GUCY1A2: variants seen among roughly 807,000 people sequenced by gnomAD.
GUCY1A2 encodes the protein guanylate cyclase 1 soluble subunit alpha 2.
GUCY1A2 carries 27 observed loss-of-function variants against 63.5 expected under a neutral mutation model. The observed-to-expected ratio is 0.43, with a 90% CI of 0.31 to 0.59. GUCY1A2 has a LOEUF of 0.59. Ranked by LOEUF, GUCY1A2 falls within the 20% of genes least tolerant of loss-of-function variation. The pLI is 0.11. For synonymous variants in GUCY1A2, 364 were observed against 343.5 expected (o/e 1.06, Z -0.66); for missense variants, 768 against 913.3 (o/e 0.84, Z 2.05).
At chr11:106,888,772 A>G (rs1859935229) in intron 4 of GUCY1A2, among the ~76,000 whole-genome samples, 1 of 152,204 alleles carries the variant, frequency 6.6e-6, no homozygotes, top group Non-Finnish European at 1.5e-5. Flanking sequence ...ACTTCCTTTG[A>G]TCACTGGAAA....
chr11:106,872,765 A>C (rs1481389946), intron 4 of GUCY1A2, among the ~76,000 whole-genome samples: 1 of 152,218 alleles, frequency 6.6e-6, no homozygotes, highest in African/African-American at 2.4e-5. Flanking sequence ...ACACACACAC[A>C]TACCAACACA....
At chr11:106,776,853 G>T (rs942902056) in intron 5 of GUCY1A2, among the ~76,000 whole-genome samples, 1 of 151,996 alleles carries the variant, frequency 6.6e-6, no homozygotes, top group Admixed American at 6.6e-5. Flanking sequence ...TATCCCCCAC[G>T]AAAACAGGAC....
intron 4 of GUCY1A2, among the ~76,000 whole-genome samples, chr11:106,905,689 C>T (rs564932832): frequency 1.3e-5 from 2 of 152,098 alleles, no homozygotes; most frequent in African/African-American, 4.8e-5. Context: ...CAAATTAGAG[C>T]CAGGAAAGCA....
At chr11:106,749,517 TA>T (rs1279199825) in intron 6 of GUCY1A2, among the ~76,000 whole-genome samples, 1 of 152,066 alleles carries the variant, frequency 6.6e-6, no homozygotes, top group Non-Finnish European at 1.5e-5. Flanking sequence ...GCTTGTTCTA[TA>T]CTGATCACCT....
At chr11:106,806,273 A>C (rs192439146) in intron 5 of GUCY1A2, among the ~76,000 whole-genome samples, 6 of 152,306 alleles carry the variant, frequency 3.9e-5, no homozygotes, top group Admixed American at 3.9e-4. Flanking sequence ...AGACTGATGC[A>C]CTGAATATCT....
chr11:106,813,055 A>G (rs995655467), intron 4 of GUCY1A2, among the ~76,000 whole-genome samples: 6 of 152,040 alleles, frequency 3.9e-5, no homozygotes, highest in Admixed American at 6.6e-5. Flanking sequence ...ATTTGCATTT[A>G]TTAACTTAGC....
intron 4 of GUCY1A2, among the ~76,000 whole-genome samples, chr11:106,885,571 A>G (rs754296881): frequency 3.0e-4 from 46 of 152,154 alleles, no homozygotes; most frequent in Non-Finnish European, 5.6e-4. Flanking sequence ...CCATACTATT[A>G]TTGCCTTCCA....
At chr11:106,919,214 A>G (rs375587943) in intron 4 of GUCY1A2, among the ~76,000 whole-genome samples, 1 of 152,280 alleles carries the variant, frequency 6.6e-6, no homozygotes, top group Non-Finnish European at 1.5e-5. Flanking sequence ...ATGAAGAAAC[A>G]TAAGAATATA....
At chr11:107,006,677 T>C (rs751891573) in intron 1 of GUCY1A2, among the ~76,000 whole-genome samples, 1 of 152,236 alleles carries the variant, frequency 6.6e-6, no homozygotes, top group Non-Finnish European at 1.5e-5. Flanking sequence ...TGCTTCTACA[T>C]AGAGCAAGTT....
At chr11:106,980,636 G>A (rs1213845336) in intron 2 of GUCY1A2, among the ~76,000 whole-genome samples, 1 of 152,156 alleles carries the variant, frequency 6.6e-6, no homozygotes, top group African/African-American at 2.4e-5. Flanking sequence ...GGTCTAGAGT[G>A]AACTTCATAA....
At chr11:106,972,207 T>G (rs1413209566) in intron 3 of GUCY1A2, among the ~76,000 whole-genome samples, 1 of 152,192 alleles carries the variant, frequency 6.6e-6, no homozygotes, top group African/African-American at 2.4e-5. Flanking sequence ...GCATGGAATT[T>G]TGTTAATAAT....
At chr11:106,833,513 C>T (rs962966860) in intron 4 of GUCY1A2, among the ~76,000 whole-genome samples, 2 of 152,028 alleles carry the variant, frequency 1.3e-5, no homozygotes, top group Admixed American at 1.3e-4. Flanking sequence ...TTATTTTTCT[C>T]CTTAGCACTT....
intron 6 of GUCY1A2, among the ~76,000 whole-genome samples, chr11:106,729,880 G>A (rs1863469832): frequency 6.6e-6 from 1 of 151,262 alleles, no homozygotes; most frequent in Admixed American, 6.6e-5. Flanking sequence ...TCTCTTGATT[G>A]TAATCTTCTT....
At position 106,871,499 on chromosome 11, in the gene GUCY1A2, C is replaced by T. The variant is rs556220861; in HGVS notation, c.1207-61021G>A. On this transcript the variant is annotated intron_variant, in intron 4 of 7. Coordinates refer to ENST00000526355, the MANE Select transcript of GUCY1A2 (RefSeq NM_000855.3). The stretch of plus-strand genomic sequence containing the variant: ...GCAATCCTTGCTGTCCCTATGCTTT[C>T]AGACATGTGACTCCCATCTCTGCCA... Among the ~76,000 whole-genome samples, 3 of 152,224 alleles carry T rather than the reference C, an allele frequency of 2.0e-5. No homozygotes were observed. In the South Asian group the frequency reaches 6.2e-4, roughly 32 times the overall value.
intron 5 of GUCY1A2, among the ~76,000 whole-genome samples, chr11:106,801,649 CTT>C (rs901474321): frequency 1.3e-5 from 2 of 152,040 alleles, no homozygotes; most frequent in African/African-American, 4.8e-5. Flanking sequence ...AAAAGGGACA[CTT>C]ATTATTTGAT....
At position 106,976,662 on chromosome 11, in the gene GUCY1A2, A is replaced by G. The variant is rs144559832; in HGVS notation, c.487+1957T>C. ...TAATCTTCAGAAATTTAAACTTTAC[A>G]AGATTGTGCTTTAAATCTTGAAAAC... On this transcript the variant is annotated intron_variant, in intron 3 of 7. Transcript: ENST00000526355. Among the ~76,000 whole-genome samples the G allele has an allele frequency of 2.1e-3, 320 of 152,336 alleles. 3 individuals carry two copies. The highest frequency in any genetic ancestry group is 0.017 in the Admixed American group (261 of 15,304).
At chr11:106,992,547 G>A (rs1474221949) in intron 1 of GUCY1A2, among the ~76,000 whole-genome samples, 1 of 151,812 alleles carries the variant, frequency 6.6e-6, no homozygotes, top group East Asian at 1.9e-4. Context: ...GGCCAGGATG[G>A]TCTCGATCTC....
intron 6 of GUCY1A2, among the ~76,000 whole-genome samples, chr11:106,717,090 C>A (rs1219123639): frequency 6.6e-6 from 1 of 152,186 alleles, no homozygotes; most frequent in Non-Finnish European, 1.5e-5. Flanking sequence ...AGTCCTACTT[C>A]TGGGCTTCTG....
chr11:106,911,914 C>T (rs970445243), intron 4 of GUCY1A2, among the ~76,000 whole-genome samples: 6 of 151,838 alleles, frequency 4.0e-5, no homozygotes. Context: ...TTCTGGTATT[C>T]CAATTAATCA....
Sources: allele counts gnomAD v4.1 joint callset (sites outside exome capture counted in the v4.1 genomes callset), GRCh38; gene constraint gnomAD v4.1.1; transcripts MANE v1.5; gene names NCBI Gene and HGNC (gene_info 2026-07-23, HGNC 2026-07-21).